Variants in NINL observed in about 807,000 individuals in gnomAD.
The protein encoded by NINL is ninein like, also known as ninein-like protein.
In NINL, 153 loss-of-function variants were observed where a neutral mutation model predicts 160.3. The observed-to-expected ratio is 0.95, with a 90% confidence interval of 0.84 to 1.09. The LOEUF is 1.09. Ranked by LOEUF, NINL falls within the 50% of genes least tolerant of loss-of-function variation. The pLI, the probability that NINL is intolerant of heterozygous loss-of-function variation, is 0.00. For missense variants in NINL, 1,829 were observed against 1,764.0 expected (o/e 1.04, Z -0.66); for synonymous variants, 800 against 734.8 (o/e 1.09, Z -1.43).
intron 2 of NINL, among the ~76,000 whole-genome samples, chr20:25,523,204 C>T (rs541831089): frequency 8.6e-4 from 131 of 151,864 alleles, no homozygotes; most frequent in African/African-American, 3.0e-3. Flanking sequence ...TGTGACCATC[C>T]TTTCTTTTTC....
chr20:25,456,689 G>C (rs988433061), intron 22 of NINL, among the ~76,000 whole-genome samples: 2 of 152,238 alleles, frequency 1.3e-5, no homozygotes, highest in African/African-American at 4.8e-5. Flanking sequence ...CCAGCACTTT[G>C]GGAGGCCAAG....
At chr20:25,468,203 TCC>T (rs1568849540) in intron 18 of NINL, among the ~76,000 whole-genome samples, 1 of 123,948 alleles carries the variant, frequency 8.1e-6, no homozygotes, top group Non-Finnish European at 1.8e-5. Flanking sequence ...GAGGGGACAC[TCC>T]TGCTCTGTCC....
chr20:25,527,580 GA>G lies in NINL; in HGVS notation c.-11-983del, dbSNP rs796895154. On this transcript the variant is annotated intron_variant, in intron 1 of 23. Coordinates refer to ENST00000278886, the MANE Select transcript of NINL (RefSeq NM_025176.6). ...ACTAAATGAAAGTGCTTACAATAAG[GA>G]AAAAAAGGAAACTCCAATAAAAATA... 3.0e-3 allele frequency among the ~76,000 whole-genome samples: 456 copies of G among 150,862 alleles called. 2 individuals are homozygous for G. The highest frequency in any genetic ancestry group is 0.011 in the African/African-American group (436 of 41,188).
At position 25,577,771 on chromosome 20, in the gene NINL, G is replaced by A. The variant is rs901607874; in HGVS notation, c.-12+7684C>T. On this transcript the variant is annotated intron_variant, in intron 1 of 23. Transcript: ENST00000278886. ...CTTTGTGTGGGGCCAGCAGAAGCTC[G>A]GGGCTTACTACTGTCCTAGTCCCAG... is the stretch of plus-strand genomic sequence containing the variant. Among the ~76,000 whole-genome samples, 22 of 152,192 alleles carry A rather than the reference G, an allele frequency of 1.4e-4. 1 individual carries two copies. Among genetic ancestry groups the A allele is most frequent in the African/African-American group, 4.8e-4 (20 of 41,534 alleles).
chr20:25,555,238 C>G (rs1373237847), intron 1 of NINL, among the ~76,000 whole-genome samples: 1 of 152,170 alleles, frequency 6.6e-6, no homozygotes, highest in Admixed American at 6.5e-5. Flanking sequence ...GTGACACTGT[C>G]AGACATGGCT....
chr20:25,562,062 C>T (rs2064948264), intron 1 of NINL, among the ~76,000 whole-genome samples: 3 of 144,060 alleles, frequency 2.1e-5, no homozygotes, highest in Non-Finnish European at 4.6e-5. Flanking sequence ...CCGCCCCGTC[C>T]GGGAGGCAGG....
At chr20:25,560,340 G>A (rs1244744421) in intron 1 of NINL, among the ~76,000 whole-genome samples, 2 of 152,192 alleles carry the variant, frequency 1.3e-5, no homozygotes, top group African/African-American at 4.8e-5. Flanking sequence ...GTTATAATGA[G>A]GGGGAGTAAC....
At chr20:25,488,769 A>G (rs1414873682) in intron 13 of NINL, among the ~76,000 whole-genome samples, 3 of 152,140 alleles carry the variant, frequency 2.0e-5, no homozygotes, top group African/African-American at 7.2e-5. Context: ...TTATTCTTAA[A>G]TAAATTAATA....
intron 1 of NINL, among the ~76,000 whole-genome samples, chr20:25,531,718 GC>G (rs965764179): frequency 1.3e-5 from 2 of 152,132 alleles, no homozygotes; most frequent in Admixed American, 1.3e-4. Flanking sequence ...TCCTGACCAT[GC>G]CCCAAAAGCT....
chr20:25,477,309 G>C (rs556505417), intron 16 of NINL, among the ~76,000 whole-genome samples: 49 of 152,320 alleles, frequency 3.2e-4, no homozygotes, highest in African/African-American at 1.1e-3. Flanking sequence ...TCTGCACATG[G>C]AAGCCCAAGC....
At chr20:25,504,674 T>C (rs1461058440) in intron 6 of NINL, among the ~76,000 whole-genome samples, 4 of 151,824 alleles carry the variant, frequency 2.6e-5, no homozygotes, top group Non-Finnish European at 5.9e-5. Flanking sequence ...TGGCAGGGAG[T>C]CGGTGAGACT....
intron 22 of NINL, among the ~76,000 whole-genome samples, chr20:25,457,022 G>T (rs975654801): frequency 4.6e-5 from 7 of 151,776 alleles, no homozygotes; most frequent in East Asian, 2.0e-4. Context: ...CAGAGCAAGG[G>T]TTTAAAAATG....
chr20:25,523,930 C>T lies in NINL; in HGVS notation c.180+2478G>A, dbSNP rs77857017. The stretch of plus-strand genomic sequence containing the variant: ...CTGGGACTACAGGTGTGAGCCACTG[C>T]GCCTGACCCAGATATGTAGTATTTG... On this transcript the variant is annotated intron_variant, in intron 2 of 23. Transcript: ENST00000278886. Among the ~76,000 whole-genome samples the T allele has an allele frequency of 2.2e-4, 34 of 152,344 alleles. No individual in the cohort carries two copies. The East Asian group carries it at 3.3e-3, about 15-fold the overall frequency.
At chr20:25,459,285 C>T (rs1257458656) in intron 21 of NINL, among the ~76,000 whole-genome samples, 3 of 152,168 alleles carry the variant, frequency 2.0e-5, no homozygotes, top group Non-Finnish European at 4.4e-5. Context: ...AGGCAACACC[C>T]TGCGCCACAC....
In NINL at chr20:25,489,733, T is replaced by G. The variant is rs1460975259; in HGVS notation, c.1596+142A>C. Reference sequence around the variant, plus strand: ...CAGAGGAAGCAGAGGGAAGGCCTCATGCTGACTTTCTCTTCATTCTAAATT... The same window carrying G: ...CAGAGGAAGCAGAGGGAAGGCCTCAGGCTGACTTTCTCTTCATTCTAAATT... On this transcript the variant is annotated intron_variant, in intron 12 of 23. Transcript: ENST00000278886. The G allele has an allele frequency of 1.3e-5, 9 of 677,464 alleles. No homozygotes were observed. In the Admixed American group the frequency reaches 2.1e-4, roughly 15 times the overall value. The allele number at this position is 677,464 out of a possible 1,614,324, so 42.0% of individuals were successfully genotyped here.
intron 22 of NINL, among the ~76,000 whole-genome samples, chr20:25,457,479 G>A (rs1379367541): frequency 6.6e-6 from 1 of 152,202 alleles, no homozygotes; most frequent in African/African-American, 2.4e-5. Flanking sequence ...AGCTTCCCTC[G>A]CTGTGTTAGT....
At chr20:25,499,066 C>T (rs1487851965) in intron 8 of NINL, 5 of 985,344 alleles carry the variant, frequency 5.1e-6, no homozygotes, top group East Asian at 2.3e-4. Context: ...CTCAGGCCGG[C>T]GGCAGGCACC....
rs1372518083 is a variant in NINL, at chr20:25,491,405, CCCCACGT to C, written c.1424_1430del (p.Asp475GlyfsTer14). On this transcript the variant is annotated frameshift_variant, in exon 11 of 24. Coordinates refer to ENST00000278886, the MANE Select transcript of NINL (RefSeq NM_025176.6). LOFTEE classifies it high-confidence loss of function. ...GGCCAGCCTCCTCAGCCTGCAGGCG[CCCCACGT>C]CCCACTCCAGCGCGGCCCTCTGCCT... 6.2e-7 allele frequency: 1 copy of C among 1,612,884 alleles called. No homozygotes were observed. The highest frequency in any genetic ancestry group is 1.7e-5 in the Admixed American group (1 of 60,022).
intron 1 of NINL, among the ~76,000 whole-genome samples, chr20:25,581,002 C>G (rs542735727): frequency 6.6e-6 from 1 of 152,356 alleles, no homozygotes; most frequent in Admixed American, 6.5e-5. Context: ...CCTTCCAGGG[C>G]AGAGGACGCT....
Sources: allele counts gnomAD v4.1 joint callset (sites outside exome capture counted in the v4.1 genomes callset), GRCh38; gene constraint gnomAD v4.1.1; transcripts MANE v1.5; gene names NCBI Gene and HGNC (gene_info 2026-07-23, HGNC 2026-07-21).